CCSER1: variants seen among roughly 807,000 people sequenced by gnomAD.
CCSER1 encodes coiled-coil serine rich protein 1, also known as serine-rich coiled-coil domain-containing protein 1.
A neutral mutation model predicts 82.0 loss-of-function variants in CCSER1; 41 were observed. That is an observed-to-expected ratio of 0.50 (90% CI 0.39 to 0.65). The LOEUF is 0.65. Ranked by LOEUF, CCSER1 falls within the 30% of genes least tolerant of loss-of-function variation. The pLI, the probability that CCSER1 is intolerant of heterozygous loss-of-function variation, is 0.00. For synonymous variants in CCSER1, 414 were observed against 383.9 expected, an observed-to-expected ratio of 1.08 and a Z score of -0.92; for missense variants, 1,119 against 1,064.2, an observed-to-expected ratio of 1.05 and a Z score of -0.72.
chr4:90,386,148 G>GA (rs1020657109), intron 3 of CCSER1, among the ~76,000 whole-genome samples: 52 of 152,076 alleles, frequency 3.4e-4, no homozygotes, highest in African/African-American at 1.2e-3. Flanking sequence ...CACAGAATTA[G>GA]AAAAAACAAT....
chr4:90,207,577 C>G (rs1258957286), intron 1 of CCSER1, among the ~76,000 whole-genome samples: 1 of 152,090 alleles, frequency 6.6e-6, no homozygotes, highest in Non-Finnish European at 1.5e-5. Context: ...ACAAGGCGTT[C>G]TGGTTTTTGG....
intron 10 of CCSER1, among the ~76,000 whole-genome samples, chr4:91,499,208 C>A (rs1759080827): frequency 6.6e-6 from 1 of 151,900 alleles, no homozygotes; most frequent in Admixed American, 6.6e-5. Flanking sequence ...TGTTTGTATT[C>A]ACAAATTTAG....
At chr4:91,139,360 C>T (rs1728804387) in intron 10 of CCSER1, among the ~76,000 whole-genome samples, 1 of 151,898 alleles carries the variant, frequency 6.6e-6, no homozygotes, top group African/African-American at 2.4e-5. Flanking sequence ...CTATTTTGTG[C>T]TGAGCATTGT....
chr4:90,812,462 C>T (rs1036725015), intron 7 of CCSER1, among the ~76,000 whole-genome samples: 3 of 152,110 alleles, frequency 2.0e-5, no homozygotes, highest in African/African-American at 7.2e-5. Context: ...GGTGTACATG[C>T]AGAGTGAGAA....
At chr4:90,918,018 A>G (rs1243059434) in intron 8 of CCSER1, among the ~76,000 whole-genome samples, 1 of 152,108 alleles carries the variant, frequency 6.6e-6, no homozygotes, top group Non-Finnish European at 1.5e-5. Flanking sequence ...CATTAAAAAA[A>G]TCTTTTTCTA....
At chr4:90,947,865 G>A (rs559077829) in intron 9 of CCSER1, among the ~76,000 whole-genome samples, 9 of 152,152 alleles carry the variant, frequency 5.9e-5, no homozygotes, top group Non-Finnish European at 1.2e-4. Flanking sequence ...TAGATAATTT[G>A]CATCAACTGA....
intron 10 of CCSER1, among the ~76,000 whole-genome samples, chr4:91,444,707 C>T (rs2149411222): frequency 6.6e-6 from 1 of 152,320 alleles, no homozygotes; most frequent in South Asian, 2.1e-4. Flanking sequence ...ACCTTGGCCT[C>T]CCAAAGTGCT....
At chr4:90,957,347 G>T (rs1733568635) in intron 9 of CCSER1, among the ~76,000 whole-genome samples, 1 of 147,236 alleles carries the variant, frequency 6.8e-6, no homozygotes, top group South Asian at 2.1e-4. Context: ...TGATCTGCCT[G>T]CCTTGGCCTC....
chr4:90,137,639 A>G (rs1177360807), intron 1 of CCSER1, among the ~76,000 whole-genome samples: 2 of 152,250 alleles, frequency 1.3e-5, no homozygotes, highest in African/African-American at 2.4e-5. Context: ...TAATTTGAAT[A>G]CAAAACAGAT....
At chr4:91,386,599 G>A (rs74440107) in intron 10 of CCSER1, among the ~76,000 whole-genome samples, 2,809 of 152,160 alleles carry the variant, frequency 0.018, 63 homozygotes, top group African/African-American at 0.063. Flanking sequence ...ATGATGCGGA[G>A]CATGGTTTAA....
chr4:90,560,318 G>T (rs1579162029), intron 5 of CCSER1, among the ~76,000 whole-genome samples: 1 of 151,866 alleles, frequency 6.6e-6, no homozygotes, highest in South Asian at 2.1e-4. Flanking sequence ...AGGAAATGTA[G>T]AACCAAAAAT....
intron 8 of CCSER1, among the ~76,000 whole-genome samples, chr4:90,835,532 A>G (rs1005866526): frequency 6.6e-6 from 1 of 152,098 alleles, no homozygotes; most frequent in Non-Finnish European, 1.5e-5. Context: ...CTCTAATCTC[A>G]GTTCAGCTAT....
chr4:90,958,880 T>A (rs1032546382), intron 9 of CCSER1, among the ~76,000 whole-genome samples: 16 of 152,190 alleles, frequency 1.1e-4, no homozygotes, highest in African/African-American at 2.9e-4. Flanking sequence ...TTAAGACAGA[T>A]ACCATCCTTC....
At chr4:91,300,801 AATGAT>A (rs746904570) in intron 10 of CCSER1, among the ~76,000 whole-genome samples, 2 of 151,908 alleles carry the variant, frequency 1.3e-5, no homozygotes, top group Non-Finnish European at 2.9e-5. Context: ...ATATAACATG[AATGAT>A]ATATGATATA....
intron 10 of CCSER1, among the ~76,000 whole-genome samples, chr4:91,167,800 T>C (rs576391159): frequency 1.3e-5 from 2 of 152,382 alleles, no homozygotes; most frequent in South Asian, 4.1e-4. Flanking sequence ...ATGTTTATCA[T>C]TATGTGTTTA....
chr4:91,439,619 A>C (rs1379517542), intron 10 of CCSER1, among the ~76,000 whole-genome samples: 3 of 152,150 alleles, frequency 2.0e-5, no homozygotes, highest in Non-Finnish European at 2.9e-5. Context: ...AACAATATTA[A>C]CTTTAAATGT....
intron 5 of CCSER1, among the ~76,000 whole-genome samples, chr4:90,579,206 A>G (rs1300698062): frequency 1.3e-5 from 2 of 152,044 alleles, no homozygotes; most frequent in African/African-American, 4.8e-5. Context: ...CTTTTTTTGT[A>G]CAGAATCTGA....
intron 8 of CCSER1, among the ~76,000 whole-genome samples, chr4:90,817,060 T>C (rs1321735943): frequency 2.6e-5 from 4 of 152,148 alleles, no homozygotes; most frequent in African/African-American, 4.8e-5. Flanking sequence ...TAACCTTTTA[T>C]AAACCTGTAA....
chr4:91,343,044 G>C (rs1263012522), intron 10 of CCSER1, among the ~76,000 whole-genome samples: 1 of 151,998 alleles, frequency 6.6e-6, no homozygotes, highest in Non-Finnish European at 1.5e-5. Flanking sequence ...TTTTGAAGTG[G>C]TTGAAATCTG....
Sources: gnomAD v4.1 joint callset for allele counts (sites outside exome capture counted in the v4.1 genomes callset) on GRCh38, gnomAD v4.1.1 for gene constraint, MANE v1.5 for transcripts, NCBI Gene and HGNC (gene_info 2026-07-23, HGNC 2026-07-21) for gene names.